Variants in DPYSL3 observed in about 807,000 individuals in gnomAD.
DPYSL3 encodes dihydropyrimidinase like 3.
A neutral mutation model predicts 66.1 loss-of-function variants in DPYSL3; 16 were observed. The ratio of observed to expected loss-of-function variants is 0.24; its 90% CI spans 0.16 to 0.37. DPYSL3 has a LOEUF of 0.37. Among genes scored for constraint, DPYSL3 ranks in the 10% least tolerant of loss-of-function variants. The pLI is 1.00. For synonymous variants in DPYSL3, 338 were observed against 345.1 expected, an observed-to-expected ratio of 0.98 and a Z score of 0.23; for missense variants, 738 against 916.2, an observed-to-expected ratio of 0.81 and a Z score of 2.51.
At chr5:147,480,210 G>A (rs1407632136) in intron 1 of DPYSL3, among the ~76,000 whole-genome samples, 3 of 152,176 alleles carry the variant, frequency 2.0e-5, no homozygotes, top group Non-Finnish European at 4.4e-5. Context: ...CTCCTGTAGC[G>A]GCAGTCATCT....
intron 1 of DPYSL3, among the ~76,000 whole-genome samples, chr5:147,429,507 C>T (rs1752268131): frequency 6.6e-6 from 1 of 151,976 alleles, no homozygotes; most frequent in Non-Finnish European, 1.5e-5. Flanking sequence ...TAATCTAGCA[C>T]ACAAGTAAAT....
chr5:147,508,089 T>C (rs1244182529), intron 1 of DPYSL3, among the ~76,000 whole-genome samples: 1 of 152,226 alleles, frequency 6.6e-6, no homozygotes, highest in South Asian at 2.1e-4. Context: ...AAGTTTTCCC[T>C]AAAACGTTGG....
chr5:147,430,227 G>A (rs571456699), intron 1 of DPYSL3, among the ~76,000 whole-genome samples: 19 of 152,134 alleles, frequency 1.2e-4, no homozygotes, highest in Admixed American at 2.6e-4. Flanking sequence ...CAGGTGTGGC[G>A]GCTCACGCCT....
At chr5:147,412,498 T>A (rs1253233152) in intron 6 of DPYSL3, 110 bp downstream of exon 6, 1 of 1,060,090 alleles carries the variant, frequency 9.4e-7, no homozygotes, top group African/African-American at 1.6e-5. Context: ...TTTAGCAAGG[T>A]ACTTATGATG....
intron 1 of DPYSL3, among the ~76,000 whole-genome samples, chr5:147,433,363 T>A (rs1044239832): frequency 1.3e-5 from 2 of 152,006 alleles, no homozygotes; most frequent in Admixed American, 6.5e-5. Context: ...AGATGCCTTA[T>A]CAGAAAACAG....
In DPYSL3 at chr5:147,509,410, G is replaced by T; in HGVS notation, c.381+68C>A. On this transcript the variant is annotated intron_variant, in intron 1 of 13. Coordinates refer to ENST00000343218, the MANE Select transcript of DPYSL3 (RefSeq NM_001197294.2). The surrounding 1 kb of genome is among the most constrained non-coding windows in gnomAD (Gnocchi z 5.3). Reference sequence around the variant, plus strand: ...AAGTGAGCTGGAGAAAGTTGTGCCCGGGCCATGGCGGCCAGGGCTGGAGAA... The same window carrying T: ...AAGTGAGCTGGAGAAAGTTGTGCCCTGGCCATGGCGGCCAGGGCTGGAGAA... 1 of 1,439,142 alleles carries T rather than the reference G, an allele frequency of 6.9e-7. No individual in the cohort carries two copies. Among genetic ancestry groups the T allele is most frequent in the South Asian group, 1.5e-5 (1 of 68,698 alleles). The allele number at this position is 1,439,142 out of a possible 1,614,324, so 89.1% of individuals were successfully genotyped here. A position where few individuals can be genotyped will look rare whatever the true frequency, so the allele number is the denominator to read the frequency against.
chr5:147,473,557 C>G (rs948358386), intron 1 of DPYSL3, among the ~76,000 whole-genome samples: 1 of 152,110 alleles, frequency 6.6e-6, no homozygotes, highest in Non-Finnish European at 1.5e-5. Context: ...AATGTTATCA[C>G]AAACAATTTT....
At chr5:147,486,556 C>T (rs1476905481) in intron 1 of DPYSL3, among the ~76,000 whole-genome samples, 1 of 152,154 alleles carries the variant, frequency 6.6e-6, no homozygotes, top group Non-Finnish European at 1.5e-5. Context: ...CTTCTCCCTC[C>T]TCTGGACTGA....
At chr5:147,465,271 T>C (rs1422527318) in intron 1 of DPYSL3, among the ~76,000 whole-genome samples, 4 of 150,972 alleles carry the variant, frequency 2.6e-5, no homozygotes, top group Admixed American at 1.3e-4. Flanking sequence ...ATATGAAGAG[T>C]GGTCTGTAGT....
At chr5:147,439,003 G>T (rs764027432) in intron 1 of DPYSL3, among the ~76,000 whole-genome samples, 16 of 152,194 alleles carry the variant, frequency 1.1e-4, no homozygotes, top group Non-Finnish European at 2.1e-4. Flanking sequence ...GGAGCAGACA[G>T]ACTAACAGCC....
At chr5:147,494,709 CAAAAAA>C (rs35761170) in intron 1 of DPYSL3, among the ~76,000 whole-genome samples, 2 of 83,564 alleles carry the variant, frequency 2.4e-5, no homozygotes, top group African/African-American at 4.3e-5. Flanking sequence ...ACGAAAAATA[CAAAAAA>C]AAAAAAAAAA....
At chr5:147,398,770 G>A (rs1758074105) in intron 11 of DPYSL3, among the ~76,000 whole-genome samples, 1 of 152,158 alleles carries the variant, frequency 6.6e-6, no homozygotes, top group South Asian at 2.1e-4. Flanking sequence ...CCACATCTAG[G>A]GGAAGCTTTC....
chr5:147,486,970 T>C (rs1338145089), intron 1 of DPYSL3, among the ~76,000 whole-genome samples: 1 of 152,192 alleles, frequency 6.6e-6, no homozygotes, highest in Non-Finnish European at 1.5e-5. Flanking sequence ...TGTTGACATG[T>C]TTTAAGGGTA....
intron 1 of DPYSL3, among the ~76,000 whole-genome samples, chr5:147,486,720 G>A (rs1368366): frequency 0.55 from 83,605 of 151,988 alleles, 23,795 homozygotes; most frequent in African/African-American, 0.69. Context: ...GGGTCCGTAA[G>A]TGGATGAAAG....
At chr5:147,462,550 T>G (rs916537434) in intron 1 of DPYSL3, among the ~76,000 whole-genome samples, 1 of 151,894 alleles carries the variant, frequency 6.6e-6, no homozygotes, top group Non-Finnish European at 1.5e-5. Context: ...TCTTTCAGAG[T>G]AAAGAACAAA....
chr5:147,422,102 T>C (rs1752092742), intron 2 of DPYSL3, among the ~76,000 whole-genome samples: 1 of 152,132 alleles, frequency 6.6e-6, no homozygotes, highest in African/African-American at 2.4e-5. Context: ...TCTATCCATC[T>C]GACAAAGGGG....
intron 1 of DPYSL3, chr5:147,453,676 G>A (rs1285322231): frequency 2.7e-6 from 4 of 1,460,814 alleles, no homozygotes; most frequent in South Asian, 2.8e-5. Flanking sequence ...AGCGCCCCGA[G>A]ATCAGGTGGA....
chr5:147,401,484 C>G (rs549468800), intron 9 of DPYSL3, 56 bp downstream of exon 9: 1 of 1,536,316 alleles, frequency 6.5e-7, no homozygotes, highest in Non-Finnish European at 8.8e-7. Context: ...CAACCCCCAG[C>G]TGGACTCAAG....
In DPYSL3 at chr5:147,399,157, A is replaced by G. The variant is rs1485755880; in HGVS notation, c.1548T>C (p.Ser516=). The G allele has an allele frequency of 3.7e-6, 6 of 1,614,138 alleles. No homozygotes were observed. Among genetic ancestry groups the G allele is most frequent in the Non-Finnish European group, 5.1e-6 (6 of 1,180,058 alleles). The change falls in exon 11 of 14, where the codon TCT becomes TCC. Residue 516 remains serine (S), a synonymous_variant. Transcript: ENST00000343218. ...TGACGAGGTCGCTGTCAGAACCCACAGATATTCTTCCCTTGCGGGGATACA... is the reference window on the plus strand; with the variant it reads ...TGACGAGGTCGCTGTCAGAACCCACGGATATTCTTCCCTTGCGGGGATACA... ...FNLYPRKGRI[S]VGSDSDLVIW...
Sources: allele counts gnomAD v4.1 joint callset (sites outside exome capture counted in the v4.1 genomes callset), GRCh38; gene constraint gnomAD v4.1.1; non-coding constraint Gnocchi (gnomAD v3.1); transcripts MANE v1.5; gene names NCBI Gene and HGNC (gene_info 2026-07-23, HGNC 2026-07-21).